Variants in CTNNA3 observed in about 807,000 individuals in gnomAD.
CTNNA3 encodes catenin alpha 3, also known as catenin alpha-3.
Under a neutral mutation model 95.7 loss-of-function variants are expected in CTNNA3, and 76 were observed. The ratio of observed to expected loss-of-function variants is 0.79; its 90% CI spans 0.66 to 0.96. The LOEUF is 0.96. Among genes scored for constraint, CTNNA3 ranks in the 40% least tolerant of loss-of-function variants. The pLI, the probability that CTNNA3 is intolerant of heterozygous loss-of-function variation, is 0.00. For missense variants in CTNNA3, 1,191 were observed against 1,089.8 expected (o/e 1.09, Z -1.31); for synonymous variants, 431 against 374.4 (o/e 1.15, Z -1.74).
At chr10:66,324,243 C>T (rs944672027) in intron 12 of CTNNA3, among the ~76,000 whole-genome samples, 1 of 151,956 alleles carries the variant, frequency 6.6e-6, no homozygotes, top group Non-Finnish European at 1.5e-5. Context: ...TTGTTTGAAC[C>T]CAGGAGGCGG....
At chr10:66,103,280 G>A in intron 13 of CTNNA3, 31 bp from the exon 14 acceptor site, 1 of 1,540,556 alleles carries the variant, frequency 6.5e-7, no homozygotes. Context: ...ATTGCTAGTG[G>A]GAATGTAAAA....
At chr10:65,974,263 T>C (rs2133281470) in intron 16 of CTNNA3, among the ~76,000 whole-genome samples, 1 of 152,264 alleles carries the variant, frequency 6.6e-6, no homozygotes, top group South Asian at 2.1e-4. Context: ...AGAAAATAAA[T>C]TGTTCTACCC....
chr10:66,077,539 T>C (rs1208699418), intron 14 of CTNNA3, among the ~76,000 whole-genome samples: 1 of 151,818 alleles, frequency 6.6e-6, no homozygotes, highest in African/African-American at 2.4e-5. Context: ...AATTAAAACA[T>C]AATAAATGAG....
chr10:66,939,965 G>A (rs1847910822), intron 7 of CTNNA3, among the ~76,000 whole-genome samples: 2 of 151,618 alleles, frequency 1.3e-5, no homozygotes, highest in Admixed American at 6.6e-5. Context: ...ACCCCTATAC[G>A]CATCTTGCTT....
intron 12 of CTNNA3, among the ~76,000 whole-genome samples, chr10:66,375,695 T>A (rs2092791833): frequency 6.6e-6 from 1 of 152,002 alleles, no homozygotes; most frequent in African/African-American, 2.4e-5. Flanking sequence ...GCTATTAAAG[T>A]TTTTTCAAAC....
rs77750925 is a variant in CTNNA3 at position 67,629,698 on chromosome 10, G to A, written c.99+17717C>T. Among the ~76,000 whole-genome samples, 5,191 of 152,172 alleles carry A rather than the reference G, an allele frequency of 0.034. 620 individuals are homozygous for A. In the East Asian group the frequency reaches 0.44, roughly 13 times the overall value. On this transcript the variant is annotated intron_variant, in intron 2 of 17. Coordinates refer to ENST00000433211, the MANE Select transcript of CTNNA3 (RefSeq NM_013266.4). ...CTGGCCTACATGGCCCAGTGGTCTG[G>A]GAACTGAAAACAATGAGTCCCACAG...
At chr10:66,603,490 T>C (rs554618078) in intron 10 of CTNNA3, among the ~76,000 whole-genome samples, 75 of 152,260 alleles carry the variant, frequency 4.9e-4, no homozygotes, top group African/African-American at 1.7e-3. Flanking sequence ...GAAGAATTAA[T>C]ATTGTCAAAA....
chr10:65,971,657 C>T (rs2078105669), intron 16 of CTNNA3, among the ~76,000 whole-genome samples: 1 of 151,820 alleles, frequency 6.6e-6, no homozygotes, highest in African/African-American at 2.4e-5. Flanking sequence ...AAATCGAGTT[C>T]CTAAATTGAA....
chr10:66,995,858 A>G (rs1369261545), intron 7 of CTNNA3, among the ~76,000 whole-genome samples: 2 of 152,170 alleles, frequency 1.3e-5, no homozygotes, highest in Non-Finnish European at 2.9e-5. Flanking sequence ...GAAATTATAC[A>G]CTTCCATCTT....
At chr10:67,644,229 A>G (rs2133473001) in intron 2 of CTNNA3, among the ~76,000 whole-genome samples, 1 of 152,220 alleles carries the variant, frequency 6.6e-6, no homozygotes, top group East Asian at 1.9e-4. Flanking sequence ...CACCATTCTA[A>G]CTGGCGTGAG....
intron 13 of CTNNA3, among the ~76,000 whole-genome samples, chr10:66,110,665 A>C (rs1163817197): frequency 4.6e-5 from 7 of 152,190 alleles, no homozygotes; most frequent in African/African-American, 1.7e-4. Flanking sequence ...AGATTATCTA[A>C]AGATATCCAG....
chr10:67,319,452 GGTGC>G (rs1260328977), intron 5 of CTNNA3, among the ~76,000 whole-genome samples: 1 of 152,054 alleles, frequency 6.6e-6, no homozygotes, highest in Non-Finnish European at 1.5e-5. Context: ...GCACATAAAA[GGTGC>G]TTGATTAATA....
chr10:66,776,055 G>C (rs1236107839), intron 7 of CTNNA3, among the ~76,000 whole-genome samples: 1 of 152,156 alleles, frequency 6.6e-6, no homozygotes, highest in African/African-American at 2.4e-5. Flanking sequence ...TTTTAAGTAA[G>C]AACTGGACGC....
At chr10:67,219,417 G>A (rs193252388) in intron 6 of CTNNA3, among the ~76,000 whole-genome samples, 190 bp downstream of exon 6, 132 of 152,280 alleles carry the variant, frequency 8.7e-4, no homozygotes, top group African/African-American at 3.0e-3. Flanking sequence ...ATGTACAGGA[G>A]TCAGAAGTTT....
chr10:67,080,154 C>T (rs1856976443), intron 7 of CTNNA3, among the ~76,000 whole-genome samples: 1 of 152,120 alleles, frequency 6.6e-6, no homozygotes, highest in Non-Finnish European at 1.5e-5. Context: ...TAAAAAATTC[C>T]CTCTTCTCAA....
chr10:66,439,238 G>A (rs1424162049), intron 11 of CTNNA3, among the ~76,000 whole-genome samples: 1 of 151,864 alleles, frequency 6.6e-6, no homozygotes, highest in Non-Finnish European at 1.5e-5. Context: ...ACTTCATAAA[G>A]TACAATATAT....
In CTNNA3 at chr10:67,020,014, TC is replaced by T. The variant is rs1353747344; in HGVS notation, c.1047+160302del. Among the ~76,000 whole-genome samples, 36 of 27,018 alleles carry T rather than the reference TC, an allele frequency of 1.3e-3. No homozygotes were observed. The Admixed American group carries it at 0.029, about 22-fold the overall frequency. 17.7% of individuals were successfully genotyped at this position (27,018 alleles called of 152,430 possible). A position where few individuals can be genotyped will look rare whatever the true frequency, so the allele number is the denominator to read the frequency against. On this transcript the variant is annotated intron_variant, in intron 7 of 17. Transcript: ENST00000433211. ...CAACATAATTGTGTTAATACCAATA[TC>T]AACTGCTTTCCCTCACTGTGTCAAG...
At chr10:66,088,568 A>G (rs542800545) in intron 14 of CTNNA3, among the ~76,000 whole-genome samples, 375 of 144,928 alleles carry the variant, frequency 2.6e-3, no homozygotes, top group Middle Eastern at 0.025. Context: ...CAGTTCTCCA[A>G]ATGTATCTGG....
chr10:66,575,063 A>G (rs1472968289), intron 10 of CTNNA3, among the ~76,000 whole-genome samples: 1 of 152,114 alleles, frequency 6.6e-6, no homozygotes, highest in East Asian at 1.9e-4. Context: ...AAAAAATGCA[A>G]TCATGATTTA....
Sources: allele counts gnomAD v4.1 joint callset (sites outside exome capture counted in the v4.1 genomes callset), GRCh38; gene constraint gnomAD v4.1.1; transcripts MANE v1.5; gene names NCBI Gene and HGNC (gene_info 2026-07-23, HGNC 2026-07-21).